POM121: variants seen among roughly 807,000 people sequenced by gnomAD.
POM121 encodes nuclear envelope pore membrane protein POM 121.
Under a neutral mutation model 81.3 loss-of-function variants are expected in POM121, and 32 were observed. The observed-to-expected ratio is 0.39, with a 90% CI of 0.30 to 0.53. POM121 has a LOEUF of 0.53. Ranked by LOEUF, POM121 falls within the 20% of genes least tolerant of loss-of-function variation. The pLI, the probability that POM121 is intolerant of heterozygous loss-of-function variation, is 0.66. For missense variants in POM121, 1,138 were observed against 1,614.6 expected, an observed-to-expected ratio of 0.70 and a Z score of 5.06; for synonymous variants, 514 against 694.2, an observed-to-expected ratio of 0.74 and a Z score of 4.08.
In POM121 at chr7:72,943,477, G is replaced by A. The variant is rs782055325; in HGVS notation, c.3484G>A (p.Ala1162Thr). 1.9e-6 allele frequency: 3 copies of A among 1,612,750 alleles called. No homozygotes were observed. The East Asian group carries it at 6.7e-5, about 36-fold the overall frequency. Residue 1162 changes from alanine (A) to threonine (T), a missense_variant, in exon 11 of 13, where the codon GCC becomes ACC. Coordinates refer to ENST00000434423, the MANE Select transcript of POM121 (RefSeq NM_001387691.1). ...CACCACCGGCCAGAGCACACCGTTTGCCTTCAACGTGAGCAGCACAACTGA... is the reference window on the plus strand; with the variant it reads ...CACCACCGGCCAGAGCACACCGTTTACCTTCAACGTGAGCAGCACAACTGA... The part of the protein sequence containing the change: ...LGTTGQSTPF[A>T]FNVSSTTESK...
At chr7:72,949,544 G>C (rs1554504339), downstream of POM121, 2 of 790,956 alleles carry the variant, frequency 2.5e-6, 1 homozygote, top group African/African-American at 3.5e-5. Flanking sequence ...AGCAGCTAAG[G>C]GCCTGTCACA....
chr7:72,894,926 C>G (rs138401946), intron 3 of POM121, among the ~76,000 whole-genome samples: 1 of 152,126 alleles, frequency 6.6e-6, no homozygotes, highest in Non-Finnish European at 1.5e-5. Flanking sequence ...CTCCTGGGCT[C>G]GAGCAACCCT....
downstream of POM121, chr7:72,949,130 A>T: frequency 6.8e-7 from 1 of 1,460,768 alleles, no homozygotes; most frequent in Non-Finnish European, 9.6e-7. Flanking sequence ...TCGGTTACAC[A>T]GCTTCACAGG....
chr7:72,916,125 G>T (rs1470144391), intron 4 of POM121, among the ~76,000 whole-genome samples: 2 of 152,320 alleles, frequency 1.3e-5, no homozygotes, highest in Non-Finnish European at 2.9e-5. Context: ...TAGGTTGCCT[G>T]TTCACTCTGA....
At chr7:72,907,215 T>C (rs782492331) in intron 3 of POM121, among the ~76,000 whole-genome samples, 13 of 152,330 alleles carry the variant, frequency 8.5e-5, no homozygotes, top group Admixed American at 2.0e-4. Context: ...TACATACTTA[T>C]GATTGTTGGC....
intron 3 of POM121, among the ~76,000 whole-genome samples, chr7:72,908,486 A>T (rs1316812641): frequency 6.6e-6 from 1 of 152,196 alleles, no homozygotes. Context: ...TTGCTAATGA[A>T]GTTTTGGGCA....
intron 4 of POM121, among the ~76,000 whole-genome samples, chr7:72,917,239 G>C (rs1156886783): frequency 1.6e-4 from 24 of 152,290 alleles, no homozygotes; most frequent in African/African-American, 5.8e-4. Context: ...CATTTTGATA[G>C]AGATTTCCTT....
chr7:72,925,099 C>T lies in POM121; in HGVS notation c.-23C>T. On this transcript the variant is annotated 5_prime_UTR_variant, in exon 1 of 13. Transcript: ENST00000434423. ...GCGGTGCACGCTGGGATATTTAAGT[C>T]TCCTCCGCGGCGCGGAGCCGCGATG... is the stretch of plus-strand genomic sequence containing the variant. 5.0e-6 allele frequency: 7 copies of T among 1,394,952 alleles called. No individual in the cohort carries two copies. The highest frequency in any genetic ancestry group is 1.5e-5 in the African/African-American group (1 of 65,522). The allele number at this position is 1,394,952 out of a possible 1,614,324, so 86.4% of individuals were successfully genotyped here.
rs1797100911 is a variant in POM121, at chr7:72,941,826, T to A, written c.1844-11T>A. The A allele has an allele frequency of 7.1e-7, 1 of 1,410,982 alleles. No homozygotes were observed. Among genetic ancestry groups the A allele is most frequent in the Non-Finnish European group, 9.6e-7 (1 of 1,040,238 alleles). The allele number at this position is 1,410,982 out of a possible 1,614,324, so 87.4% of individuals were successfully genotyped here. A position where few individuals can be genotyped will look rare whatever the true frequency, so the allele number is the denominator to read the frequency against. On this transcript the variant is annotated splice_polypyrimidine_tract_variant and intron_variant, in intron 10 of 12. Transcript: ENST00000434423. The stretch of plus-strand genomic sequence containing the variant: ...TTTATTCCAATTTCACATTTTCTAT[T>A]CTTCTTCCAGAATCTGCTGGAGCAG...
intron 3 of POM121, 117 bp from the exon 4 acceptor site, chr7:72,928,268 C>A: frequency 7.3e-7 from 1 of 1,372,512 alleles, no homozygotes; most frequent in Non-Finnish European, 1.0e-6. Flanking sequence ...ATTTTCTGGT[C>A]TATCATGGAA....
intron 1 of POM121, 116 bp from the exon 2 acceptor site, chr7:72,926,146 C>A: frequency 8.9e-7 from 1 of 1,129,402 alleles, no homozygotes; most frequent in Non-Finnish European, 1.3e-6. Context: ...TTCTGTGTTG[C>A]TTAGAAAGAG....
intron 5 of POM121, among the ~76,000 whole-genome samples, chr7:72,934,796 T>C (rs1554499168): frequency 6.6e-6 from 1 of 152,148 alleles, no homozygotes; most frequent in African/African-American, 2.4e-5. Flanking sequence ...CATCCTTATT[T>C]CTCTGCAGCA....
chr7:72,886,514 C>T (rs1237611842), intron 1 of POM121, among the ~76,000 whole-genome samples: 1 of 152,154 alleles, frequency 6.6e-6, no homozygotes, highest in Non-Finnish European at 1.5e-5. Flanking sequence ...AGAGAAAATA[C>T]ACAGTTACCA....
chr7:72,921,016 A>C (rs1429399596), upstream of POM121, among the ~76,000 whole-genome samples: 1 of 152,072 alleles, frequency 6.6e-6, no homozygotes, highest in Non-Finnish European at 1.5e-5. Flanking sequence ...CCCAGTCTCT[A>C]CTAAAAATAC....
chr7:72,914,190 G>A (rs1323342380), intron 4 of POM121, among the ~76,000 whole-genome samples: 1 of 152,226 alleles, frequency 6.6e-6, no homozygotes, highest in Non-Finnish European at 1.5e-5. Context: ...GGGCCACATG[G>A]ACAGGTTCTA....
chr7:72,938,282 A>G (rs1476798943), intron 5 of POM121, among the ~76,000 whole-genome samples: 1 of 148,686 alleles, frequency 6.7e-6, no homozygotes, highest in African/African-American at 2.5e-5. Context: ...GCTGGAGTGC[A>G]GTGGGGCAAT....
intron 2 of POM121, chr7:72,890,875 C>A (rs1554490802): frequency 1.1e-5 from 13 of 1,222,816 alleles, no homozygotes; most frequent in African/African-American, 1.5e-5. Flanking sequence ...TTATATTATT[C>A]TTCATTGAAA....
chr7:72,902,559 CA>C (rs1554492839), intron 3 of POM121, among the ~76,000 whole-genome samples: 7 of 140,874 alleles, frequency 5.0e-5, no homozygotes, highest in African/African-American at 1.9e-4. Flanking sequence ...GACAGGGTCT[CA>C]CTCTGTCACC....
At chr7:72,945,522 G>T (rs1323946828) in intron 11 of POM121, 64 bp from the exon 12 acceptor site, 17 of 1,598,690 alleles carry the variant, frequency 1.1e-5, no homozygotes, top group Non-Finnish European at 1.5e-5. Flanking sequence ...ACAGGCTCCT[G>T]CCCGGCTCCT....
Sources: gnomAD v4.1 joint callset for allele counts (sites outside exome capture counted in the v4.1 genomes callset) on GRCh38, gnomAD v4.1.1 for gene constraint, MANE v1.5 for transcripts, NCBI Gene and HGNC (gene_info 2026-07-23, HGNC 2026-07-21) for gene names.